The following HECW1 variants were observed in gnomAD, a reference collection of about 807,000 sequenced individuals.
The protein encoded by HECW1 is HECT, C2 and WW domain containing E3 ubiquitin protein ligase 1, also known as E3 ubiquitin-protein ligase HECW1.
In HECW1, 61 loss-of-function variants were observed where a neutral mutation model predicts 182.3. The observed-to-expected ratio is 0.33, with a 90% CI of 0.27 to 0.41. The LOEUF is 0.41. HECW1 is among the 10% of genes least tolerant of loss of function. The probability of loss-of-function intolerance (pLI) is 1.00; values close to 1 mark genes in which losing one functional copy is unlikely to be tolerated. For missense variants in HECW1, 1,739 were observed against 2,108.9 expected (o/e 0.82, Z 3.44); for synonymous variants, 859 against 832.6 (o/e 1.03, Z -0.55).
chr7:43,502,161 C>T (rs147245342), intron 21 of HECW1, among the ~76,000 whole-genome samples: 3 of 152,150 alleles, frequency 2.0e-5, no homozygotes, highest in African/African-American at 7.2e-5. Context: ...GACTCTGAAT[C>T]GATTGCACAC....
intron 26 of HECW1, among the ~76,000 whole-genome samples, chr7:43,548,888 G>C (rs1311392886): frequency 1.3e-5 from 2 of 152,200 alleles, no homozygotes; most frequent in South Asian, 2.1e-4. Context: ...AGGTTGCAGA[G>C]AGCTGAGATT....
At chr7:43,409,959 C>G (rs1253797470) in intron 8 of HECW1, among the ~76,000 whole-genome samples, 1 of 152,176 alleles carries the variant, frequency 6.6e-6, no homozygotes, top group Non-Finnish European at 1.5e-5. Flanking sequence ...CTGGCTGGCT[C>G]TGATATTTCT....
chr7:43,403,329 A>G (rs1395784404), intron 7 of HECW1, among the ~76,000 whole-genome samples: 2 of 152,216 alleles, frequency 1.3e-5, no homozygotes, highest in Non-Finnish European at 2.9e-5. Context: ...AGGGCAAAGG[A>G]AAAGGACTTT....
intron 2 of HECW1, among the ~76,000 whole-genome samples, chr7:43,240,206 T>C (rs913349396): frequency 1.5e-4 from 23 of 152,114 alleles, no homozygotes; most frequent in Admixed American, 3.9e-4. Flanking sequence ...GGCATGGTGG[T>C]GGGCGCTTGT....
intron 13 of HECW1, among the ~76,000 whole-genome samples, chr7:43,462,150 T>C (rs1346231291): frequency 6.6e-6 from 1 of 152,194 alleles, no homozygotes; most frequent in East Asian, 1.9e-4. Flanking sequence ...GGGACTGCAC[T>C]TGGAGACAGG....
At chr7:43,407,443 T>G in intron 7 of HECW1, 119 bp from the exon 8 acceptor site, 1 of 692,840 alleles carries the variant, frequency 1.4e-6, no homozygotes, top group South Asian at 2.5e-5. Flanking sequence ...CCTGCCTGAG[T>G]AACACTAGAG....
At chr7:43,406,692 C>T (rs149572751) in intron 7 of HECW1, among the ~76,000 whole-genome samples, 3,259 of 152,098 alleles carry the variant, frequency 0.021, 87 homozygotes, top group African/African-American at 0.064. Flanking sequence ...CCGAGGCGGG[C>T]GGATCACCTG....
intron 5 of HECW1, among the ~76,000 whole-genome samples, chr7:43,351,486 G>T (rs548425700): frequency 1.3e-5 from 2 of 152,118 alleles, no homozygotes; most frequent in Non-Finnish European, 2.9e-5. Context: ...ACCACCAGGT[G>T]GGGGCAGGGC....
Position 43,320,728 on chromosome 7 carries a change from C to T in HECW1, c.446C>T (p.Ser149Leu), listed in dbSNP as rs200226327. ...GQIIWKIDAS[S>L]YFVEPETKIC... ...ATCATCTGGAAGATCGATGCCAGCTCGTACTTTGTGGAACGTGAGTACCTT... is the reference window on the plus strand; with the variant it reads ...ATCATCTGGAAGATCGATGCCAGCTTGTACTTTGTGGAACGTGAGTACCTT... The change falls in exon 5 of 30, where the codon TCG becomes TTG. Residue 149 changes from serine to leucine, a missense_variant. By Grantham distance (145) the Ser-to-Leu change is moderately radical (BLOSUM62 -2). Transcript: ENST00000395891. 1.2e-6 allele frequency: 2 copies of T among 1,613,360 alleles called. No individual in the cohort carries two copies. Among genetic ancestry groups the T allele is most frequent in the Non-Finnish European group, 1.7e-6 (2 of 1,179,282 alleles).
chr7:43,370,593 T>C (rs913135479), intron 6 of HECW1, among the ~76,000 whole-genome samples: 2 of 152,190 alleles, frequency 1.3e-5, no homozygotes, highest in East Asian at 1.9e-4. Context: ...CTTGGAGGCA[T>C]CTTGGATGCA....
At chr7:43,390,494 TG>T (rs1345819613) in intron 6 of HECW1, among the ~76,000 whole-genome samples, 1 of 147,228 alleles carries the variant, frequency 6.8e-6, no homozygotes, top group Non-Finnish European at 1.5e-5. Flanking sequence ...TGAGCTATGA[TG>T]GTGCTACTGC....
At chr7:43,540,897 C>T (rs940930119) in intron 24 of HECW1, among the ~76,000 whole-genome samples, 16 of 152,090 alleles carry the variant, frequency 1.1e-4, no homozygotes, top group Admixed American at 3.9e-4. Flanking sequence ...CCTCATTCTC[C>T]ACGGTCTGAA....
intron 6 of HECW1, among the ~76,000 whole-genome samples, chr7:43,382,291 A>AG (rs1427982036): frequency 6.6e-6 from 1 of 151,712 alleles, no homozygotes; most frequent in Non-Finnish European, 1.5e-5. Context: ...GTCTCAAAAA[A>AG]GAAAAAAAAA....
intron 3 of HECW1, among the ~76,000 whole-genome samples, chr7:43,287,135 G>A (rs920041279): frequency 6.6e-6 from 1 of 152,166 alleles, no homozygotes; most frequent in African/African-American, 2.4e-5. Flanking sequence ...AACTAACGGA[G>A]TGTATGTTTG....
chr7:43,471,239 A>T (rs1283980294), intron 16 of HECW1, among the ~76,000 whole-genome samples: 5 of 152,312 alleles, frequency 3.3e-5, no homozygotes, highest in South Asian at 4.1e-4. Context: ...GTATGTTTGG[A>T]CCGTGTCTTA....
intron 2 of HECW1, chr7:43,117,988 G>T (rs1297709407): frequency 1.3e-5 from 2 of 152,676 alleles, no homozygotes; most frequent in African/African-American, 4.8e-5. Flanking sequence ...GGCTCTCCTG[G>T]TGTTATCAGG....
intron 16 of HECW1, among the ~76,000 whole-genome samples, chr7:43,475,723 G>C (rs2078196784): frequency 6.6e-6 from 1 of 151,846 alleles, no homozygotes; most frequent in Admixed American, 6.6e-5. Context: ...AGCTTTTTTG[G>C]TATATTTTTG....
intron 2 of HECW1, among the ~76,000 whole-genome samples, chr7:43,170,053 A>G (rs1248390497): frequency 6.6e-6 from 1 of 152,176 alleles, no homozygotes; most frequent in Non-Finnish European, 1.5e-5. Flanking sequence ...GTACTGGGCC[A>G]TGGCCTGTTG....
At chr7:43,513,127 C>A (rs181624817) in intron 24 of HECW1, among the ~76,000 whole-genome samples, 458 of 152,296 alleles carry the variant, frequency 3.0e-3, no homozygotes, top group Middle Eastern at 6.8e-3. Context: ...CAAGTCCTAC[C>A]AGTCTCTTCC....
Sources: allele counts gnomAD v4.1 joint callset (sites outside exome capture counted in the v4.1 genomes callset), GRCh38; gene constraint gnomAD v4.1.1; transcripts MANE v1.5; gene names NCBI Gene and HGNC (gene_info 2026-07-23, HGNC 2026-07-21).